Variants in SGCZ observed in about 807,000 individuals in gnomAD.
The protein encoded by SGCZ is zeta-sarcoglycan.
SGCZ carries 40 observed loss-of-function variants against 41.3 expected under a neutral mutation model. That is an observed-to-expected ratio of 0.97 (90% CI 0.75 to 1.26). The LOEUF is 1.26. SGCZ is among the 50% of genes most tolerant of loss of function. SGCZ has a pLI of 0.00. For missense variants in SGCZ, 552 were observed against 369.8 expected (o/e 1.49, Z -4.04); for synonymous variants, 206 against 137.5 (o/e 1.50, Z -3.49).
chr8:14,238,797 G>T (rs1393829702), intron 3 of SGCZ, among the ~76,000 whole-genome samples: 2 of 151,954 alleles, frequency 1.3e-5, no homozygotes, highest in East Asian at 3.9e-4. Context: ...TGCCCTCTTG[G>T]TGCTTGCATT....
chr8:14,311,807 T>G (rs940100281), intron 3 of SGCZ, among the ~76,000 whole-genome samples: 15 of 152,020 alleles, frequency 9.9e-5, no homozygotes, highest in African/African-American at 3.6e-4. Flanking sequence ...TTTTTTTCTG[T>G]ATGTAAATAC....
At chr8:14,153,319 G>C (rs769011489) in intron 5 of SGCZ, among the ~76,000 whole-genome samples, 1 of 152,036 alleles carries the variant, frequency 6.6e-6, no homozygotes, top group Non-Finnish European at 1.5e-5. Flanking sequence ...CACGAACCTC[G>C]GTCTGTAAGC....
At chr8:14,177,655 G>A (rs995792583) in intron 4 of SGCZ, among the ~76,000 whole-genome samples, 162 of 148,402 alleles carry the variant, frequency 1.1e-3, no homozygotes, top group African/African-American at 3.9e-3. Flanking sequence ...GACTACAGGC[G>A]CCCGCCACCA....
intron 1 of SGCZ, among the ~76,000 whole-genome samples, chr8:14,898,984 A>G (rs1299009051): frequency 6.6e-6 from 1 of 152,228 alleles, no homozygotes; most frequent in African/African-American, 2.4e-5. Flanking sequence ...TAATTTTTTA[A>G]AAGTTTCCAA....
At chr8:14,340,877 C>G (rs1434293437) in intron 2 of SGCZ, among the ~76,000 whole-genome samples, 1 of 152,074 alleles carries the variant, frequency 6.6e-6, no homozygotes, top group Non-Finnish European at 1.5e-5. Flanking sequence ...CATCATCACT[C>G]TCCATCTTAA....
chr8:14,164,601 C>G lies in SGCZ; in HGVS notation c.526G>C (p.Ala176Pro). Residue 176 changes from alanine to proline, a missense_variant, in exon 5 of 8, where the codon GCT (alanine) becomes CCT (proline). By Grantham distance (27) the Ala-to-Pro change is conservative. Transcript: ENST00000382080. Reference sequence around the variant, plus strand: ...GTACCTGTAACTTTCAGCTTTTCAGCCCCAATGGTAATCTCATCTTCATCT... The same window carrying G: ...GTACCTGTAACTTTCAGCTTTTCAGGCCCAATGGTAATCTCATCTTCATCT... ...SADEDEITIG[A>P]EKLKVTGTEG... 1 of 1,613,450 alleles carries G rather than the reference C, an allele frequency of 6.2e-7. No individual in the cohort carries two copies. Among genetic ancestry groups the G allele is most frequent in the South Asian group, 1.1e-5 (1 of 91,068 alleles).
chr8:14,602,558 A>C (rs1400942637), intron 1 of SGCZ, among the ~76,000 whole-genome samples: 1 of 152,160 alleles, frequency 6.6e-6, no homozygotes, highest in African/African-American at 2.4e-5. Context: ...TAATTTTAAA[A>C]ATTAATGCAC....
chr8:15,113,192 G>C (rs1807136414), intron 1 of SGCZ, among the ~76,000 whole-genome samples: 7 of 141,378 alleles, frequency 5.0e-5, no homozygotes. Context: ...CTGGGCAAGA[G>C]AGCGAGACCT....
intron 1 of SGCZ, among the ~76,000 whole-genome samples, chr8:14,972,239 C>A (rs1420456559): frequency 1.3e-5 from 2 of 151,634 alleles, no homozygotes; most frequent in Non-Finnish European, 2.9e-5. Flanking sequence ...CCTTATTATC[C>A]TTTTCCTGTC....
intron 1 of SGCZ, among the ~76,000 whole-genome samples, chr8:14,807,022 A>G (rs1252193348): frequency 6.6e-6 from 1 of 152,162 alleles, no homozygotes; most frequent in African/African-American, 2.4e-5. Flanking sequence ...CCTTTGACAA[A>G]ATTCAACAAC....
At chr8:14,433,499 G>C (rs763547289) in intron 2 of SGCZ, among the ~76,000 whole-genome samples, 20 of 152,126 alleles carry the variant, frequency 1.3e-4, no homozygotes, top group Non-Finnish European at 2.1e-4. Context: ...TGAGATATCT[G>C]GAAAACTTCA....
At chr8:15,205,727 A>G (rs574560547) in intron 1 of SGCZ, among the ~76,000 whole-genome samples, 3 of 152,222 alleles carry the variant, frequency 2.0e-5, no homozygotes, top group Non-Finnish European at 4.4e-5. Context: ...AGCTAAAAGC[A>G]GAACTACCAT....
intron 5 of SGCZ, among the ~76,000 whole-genome samples, chr8:14,111,166 A>C (rs1802360024): frequency 6.6e-6 from 1 of 152,186 alleles, no homozygotes; most frequent in South Asian, 2.1e-4. Context: ...AGCAATTAAT[A>C]ATATATGACA....
intron 2 of SGCZ, among the ~76,000 whole-genome samples, chr8:14,468,433 T>C (rs1801112896): frequency 6.6e-6 from 1 of 152,102 alleles, no homozygotes; most frequent in South Asian, 2.1e-4. Context: ...AGGAATTATT[T>C]TGCACTCTCA....
chr8:15,148,825 G>A (rs1799102840), intron 1 of SGCZ, among the ~76,000 whole-genome samples: 1 of 152,134 alleles, frequency 6.6e-6, no homozygotes, highest in Non-Finnish European at 1.5e-5. Flanking sequence ...TTAACTGCCA[G>A]GAAAGAGGAG....
intron 1 of SGCZ, among the ~76,000 whole-genome samples, chr8:15,059,308 C>T (rs1804830620): frequency 6.6e-6 from 1 of 152,090 alleles, no homozygotes; most frequent in African/African-American, 2.4e-5. Context: ...TCAGCAAAGT[C>T]CATAGACTAG....
chr8:14,377,419 A>T (rs1804172224), intron 2 of SGCZ, among the ~76,000 whole-genome samples: 1 of 152,066 alleles, frequency 6.6e-6, no homozygotes, highest in East Asian at 1.9e-4. Context: ...ATAGGAAGTA[A>T]ACTGCTTTCC....
intron 1 of SGCZ, among the ~76,000 whole-genome samples, chr8:14,814,340 G>C (rs577898845): frequency 6.6e-6 from 1 of 152,106 alleles, no homozygotes; most frequent in Non-Finnish European, 1.5e-5. Flanking sequence ...CCCTGTTTGA[G>C]TTTTTCCTAA....
intron 1 of SGCZ, among the ~76,000 whole-genome samples, chr8:14,592,499 G>A (rs1033665567): frequency 8.6e-5 from 13 of 151,360 alleles, no homozygotes; most frequent in African/African-American, 3.2e-4. Context: ...TCTCTTCCAA[G>A]TTTTTATGCT....
Sources: gnomAD v4.1 joint callset for allele counts (sites outside exome capture counted in the v4.1 genomes callset) on GRCh38, gnomAD v4.1.1 for gene constraint, MANE v1.5 for transcripts, NCBI Gene and HGNC (gene_info 2026-07-23, HGNC 2026-07-21) for gene names.